Variants in UBR3 observed in about 807,000 individuals in gnomAD.
UBR3 encodes the protein E3 ubiquitin-protein ligase UBR3.
Under a neutral mutation model 243.2 loss-of-function variants are expected in UBR3, and 85 were observed. The ratio of observed to expected loss-of-function variants is 0.35; its 90% confidence interval spans 0.29 to 0.42. The LOEUF (loss-of-function observed/expected upper bound fraction) is 0.42. Ranked by LOEUF, UBR3 falls within the 10% of genes least tolerant of loss-of-function variation. The pLI is 1.00. For missense variants in UBR3, 1,686 were observed against 2,300.8 expected, an observed-to-expected ratio of 0.73 and a Z score of 5.47; for synonymous variants, 748 against 799.8, an observed-to-expected ratio of 0.94 and a Z score of 1.09.
chr2:169,903,512 C>T (rs2084906046), intron 8 of UBR3, among the ~76,000 whole-genome samples: 1 of 152,154 alleles, frequency 6.6e-6, no homozygotes, highest in African/African-American at 2.4e-5. Flanking sequence ...GACCCTCTCT[C>T]GTCCATTGAG....
chr2:169,878,500 C>A (rs1187090144), intron 4 of UBR3, 25 bp from the exon 5 acceptor site: 26 of 1,545,782 alleles, frequency 1.7e-5, no homozygotes, highest in Non-Finnish European at 2.2e-5. Flanking sequence ...CTATGAAGGA[C>A]AACTATTTTT....
intron 11 of UBR3, among the ~76,000 whole-genome samples, chr2:169,916,181 A>G (rs997865549): frequency 1.2e-4 from 18 of 152,114 alleles, no homozygotes; most frequent in Non-Finnish European, 1.9e-4. Context: ...ATTTGCATCT[A>G]TATTTTTCTG....
intron 33 of UBR3, among the ~76,000 whole-genome samples, chr2:170,059,940 A>G (rs2105446134): frequency 6.6e-6 from 1 of 152,292 alleles, no homozygotes; most frequent in African/African-American, 2.4e-5. Flanking sequence ...GATACGTGGG[A>G]AATAAAAAGC....
chr2:169,831,127 A>ATATATAT (rs1450878762), intron 1 of UBR3, among the ~76,000 whole-genome samples: 3 of 56,462 alleles, frequency 5.3e-5, no homozygotes, highest in African/African-American at 1.8e-4. Context: ...ATATATATAT[A>ATATATAT]TTTTTTTTTT....
intron 26 of UBR3, among the ~76,000 whole-genome samples, chr2:169,996,332 T>G (rs2089475584): frequency 6.6e-6 from 1 of 152,198 alleles, no homozygotes; most frequent in African/African-American, 2.4e-5. Flanking sequence ...CCAAATCCCT[T>G]AAGTGGTCTG....
chr2:169,891,078 G>A (rs534148213), intron 5 of UBR3, 87 bp from the exon 6 acceptor site: 3 of 918,422 alleles, frequency 3.3e-6, no homozygotes, highest in East Asian at 2.7e-5. Flanking sequence ...CATATATTAT[G>A]TGTTTAATGT....
At chr2:170,026,823 C>T (rs2105420352) in intron 30 of UBR3, among the ~76,000 whole-genome samples, 1 of 152,076 alleles carries the variant, frequency 6.6e-6, no homozygotes, top group South Asian at 2.1e-4. Context: ...GTAGTTAATA[C>T]ATTTTTTAAC....
chr2:169,881,468 C>T (rs1484659058), intron 5 of UBR3, among the ~76,000 whole-genome samples: 2 of 151,716 alleles, frequency 1.3e-5, no homozygotes, highest in Non-Finnish European at 2.9e-5. Context: ...TATGAGCCAC[C>T]GTGCCCAGCC....
chr2:169,990,471 C>A (rs1457159030), intron 25 of UBR3, among the ~76,000 whole-genome samples: 1 of 151,900 alleles, frequency 6.6e-6, no homozygotes, highest in Non-Finnish European at 1.5e-5. Context: ...TTTCATAGCA[C>A]TTCAAAAATA....
At chr2:169,967,414 T>C (rs777651063) in intron 24 of UBR3, among the ~76,000 whole-genome samples, 2 of 152,056 alleles carry the variant, frequency 1.3e-5, no homozygotes, top group Non-Finnish European at 2.9e-5. Context: ...AAAGTTTTAT[T>C]TTTTTATTTT....
intron 5 of UBR3, among the ~76,000 whole-genome samples, chr2:169,882,529 T>G (rs1052600714): frequency 6.6e-6 from 1 of 150,718 alleles, no homozygotes; most frequent in Admixed American, 6.7e-5. Context: ...TCACCTGAAG[T>G]CAGGAGTTTG....
At chr2:169,933,212 T>C (rs1421541351) in intron 19 of UBR3, among the ~76,000 whole-genome samples, 1 of 152,218 alleles carries the variant, frequency 6.6e-6, no homozygotes, top group Non-Finnish European at 1.5e-5. Context: ...ATCTGATAAA[T>C]TTAGAACATG....
At chr2:169,890,272 C>G (rs2084276857) in intron 5 of UBR3, among the ~76,000 whole-genome samples, 1 of 151,988 alleles carries the variant, frequency 6.6e-6, no homozygotes, top group Non-Finnish European at 1.5e-5. Flanking sequence ...GGCGGGCTGC[C>G]TTCTTTGCTC....
intron 29 of UBR3, among the ~76,000 whole-genome samples, chr2:170,011,868 G>A (rs566297802): frequency 4.7e-4 from 72 of 152,134 alleles, no homozygotes; most frequent in Non-Finnish European, 7.5e-4. Flanking sequence ...AAATTGGGGG[G>A]AAGAAGGTTT....
intron 2 of UBR3, 25 bp downstream of exon 2, chr2:169,872,400 A>G: frequency 7.2e-7 from 1 of 1,393,686 alleles, no homozygotes; most frequent in Non-Finnish European, 9.6e-7. Context: ...ACTTCTTGTT[A>G]GTACTCTTTT....
At chr2:169,972,250 G>T (rs1339964009) in intron 24 of UBR3, among the ~76,000 whole-genome samples, 1 of 152,068 alleles carries the variant, frequency 6.6e-6, no homozygotes, top group Non-Finnish European at 1.5e-5. Flanking sequence ...AATAACAGGA[G>T]CTGCAATTGT....
chr2:169,833,895 A>G (rs1452370870), intron 1 of UBR3, among the ~76,000 whole-genome samples: 1 of 151,412 alleles, frequency 6.6e-6, no homozygotes, highest in Non-Finnish European at 1.5e-5. Flanking sequence ...GTGATCTCCC[A>G]CCTCACCCTC....
At chr2:169,955,710 C>T (rs1221977525) in intron 23 of UBR3, among the ~76,000 whole-genome samples, 2 of 140,786 alleles carry the variant, frequency 1.4e-5, no homozygotes, top group Non-Finnish European at 3.0e-5. Context: ...ATGAGAATTG[C>T]TTGAACCTGG....
At chr2:169,978,634 G>A (rs2088577357) in intron 24 of UBR3, among the ~76,000 whole-genome samples, 1 of 152,040 alleles carries the variant, frequency 6.6e-6, no homozygotes, top group African/African-American at 2.4e-5. Flanking sequence ...GGTGGGGCTT[G>A]GCAGTATCCC....
Sources: gnomAD v4.1 joint callset for allele counts (sites outside exome capture counted in the v4.1 genomes callset) on GRCh38, gnomAD v4.1.1 for gene constraint, MANE v1.5 for transcripts, NCBI Gene and HGNC (gene_info 2026-07-23, HGNC 2026-07-21) for gene names.